PTGER3: variants seen among roughly 807,000 people sequenced by gnomAD.
PTGER3 encodes prostaglandin E2 receptor EP3 subtype.
In PTGER3, 22 loss-of-function variants were observed where a neutral mutation model predicts 34.7. The ratio of observed to expected loss-of-function variants is 0.63; its 90% CI spans 0.45 to 0.91. The LOEUF (loss-of-function observed/expected upper bound fraction) is 0.91, where lower values mean the gene tolerates loss of function less well. Ranked by LOEUF, PTGER3 falls within the 40% of genes least tolerant of loss-of-function variation. The probability of loss-of-function intolerance (pLI) is 0.00; values close to 1 mark genes in which losing one functional copy is unlikely to be tolerated. For missense variants in PTGER3, 468 were observed against 519.4 expected (o/e 0.90, Z 0.96); for synonymous variants, 241 against 230.1 (o/e 1.05, Z -0.43).
At chr1:70,882,053 C>T (rs1334460537) in intron 4 of PTGER3, among the ~76,000 whole-genome samples, 1 of 152,148 alleles carries the variant, frequency 6.6e-6, no homozygotes, top group Non-Finnish European at 1.5e-5. Context: ...CTCTGGCAAG[C>T]ATTACCCACT....
intron 2 of PTGER3, among the ~76,000 whole-genome samples, chr1:70,955,626 G>A (rs1435377787): frequency 6.6e-6 from 1 of 152,128 alleles, no homozygotes; most frequent in Non-Finnish European, 1.5e-5. Context: ...TGTTAGTAGA[G>A]ATTGGAAGTA....
Position 71,008,785 on chromosome 1 carries a change from AT to A in PTGER3, c.1077+3519del, listed in dbSNP as rs751816817. 2.1e-4 allele frequency: 202 copies of A among 956,596 alleles called. 1 individual carries two copies. The South Asian group carries it at 6.0e-3, about 29-fold the overall frequency. 59.3% of individuals were successfully genotyped at this position (956,596 alleles called of 1,614,324 possible). On this transcript the variant is annotated intron_variant, in intron 2 of 3. Coordinates refer to ENST00000306666, the MANE Select transcript of PTGER3 (RefSeq NM_198719.2). ...AAACAAGCAGCTGTGAAAATTTGTCATTGTTGATGGTTTGTACTTGTTATAC... is the reference window on the plus strand; with the variant it reads ...AAACAAGCAGCTGTGAAAATTTGTCATGTTGATGGTTTGTACTTGTTATAC...
intron 4 of PTGER3, among the ~76,000 whole-genome samples, chr1:70,866,620 G>A (rs1646048005): frequency 6.6e-6 from 1 of 152,178 alleles, no homozygotes; most frequent in Non-Finnish European, 1.5e-5. Context: ...TGTGGCTCCA[G>A]CAGTTATCAC....
At chr1:70,961,247 T>C (rs12138342) in intron 2 of PTGER3, among the ~76,000 whole-genome samples, 20 of 152,248 alleles carry the variant, frequency 1.3e-4, no homozygotes, top group Non-Finnish European at 2.5e-4. Context: ...CCTGCCTGAT[T>C]AATATGATTA....
At chr1:70,940,330 A>C (rs1649636793) in intron 4 of PTGER3, among the ~76,000 whole-genome samples, 5 of 151,908 alleles carry the variant, frequency 3.3e-5, no homozygotes, top group Admixed American at 3.3e-4. Context: ...ACTTTCCCAC[A>C]TTTTTCTGAC....
At chr1:70,876,738 CAACTTTGTCA>C (rs1646280946) in intron 4 of PTGER3, among the ~76,000 whole-genome samples, 2 of 152,056 alleles carry the variant, frequency 1.3e-5, no homozygotes, top group African/African-American at 4.8e-5. Context: ...TTGTTTTTGT[CAACTTTGTCA>C]AAAACAAGAT....
chr1:70,862,486 G>C (rs1645948875), intron 4 of PTGER3: 1 of 790,234 alleles, frequency 1.3e-6, no homozygotes, highest in South Asian at 1.3e-5. Flanking sequence ...TTTGGATATG[G>C]TGTAATGGTG....
chr1:70,953,873 C>A, intron 2 of PTGER3: 1 of 594,766 alleles, frequency 1.7e-6, no homozygotes, highest in South Asian at 2.6e-5. Context: ...AGATGATGTT[C>A]AATGAAAATA....
At chr1:70,893,688 G>C (rs1445089046) in intron 4 of PTGER3, among the ~76,000 whole-genome samples, 1 of 152,136 alleles carries the variant, frequency 6.6e-6, no homozygotes, top group Non-Finnish European at 1.5e-5. Flanking sequence ...CGAATTTATA[G>C]GATTTTATTA....
At chr1:71,038,343 T>C (rs998736482) in intron 1 of PTGER3, among the ~76,000 whole-genome samples, 2 of 152,218 alleles carry the variant, frequency 1.3e-5, no homozygotes, top group African/African-American at 4.8e-5. Flanking sequence ...TAAACAGGCT[T>C]CCAGTTCCAA....
intron 4 of PTGER3, among the ~76,000 whole-genome samples, chr1:70,945,774 A>T (rs1484452480): frequency 6.6e-6 from 1 of 152,102 alleles, no homozygotes. Flanking sequence ...ATGTAAATTG[A>T]AAGCATATTT....
At chr1:71,015,568 A>C (rs1657819503) in intron 1 of PTGER3, among the ~76,000 whole-genome samples, 1 of 152,162 alleles carries the variant, frequency 6.6e-6, no homozygotes, top group Admixed American at 6.5e-5. Context: ...GATTCTTTTA[A>C]TTCCCCATCT....
intron 2 of PTGER3, among the ~76,000 whole-genome samples, chr1:71,004,770 C>T (rs1478155068): frequency 6.6e-6 from 1 of 152,218 alleles, no homozygotes; most frequent in Non-Finnish European, 1.5e-5. Flanking sequence ...TGTGCCTAAT[C>T]ATCTGTGAAT....
chr1:70,862,107 T>A (rs1645940287), intron 4 of PTGER3, among the ~76,000 whole-genome samples: 1 of 152,088 alleles, frequency 6.6e-6, no homozygotes, highest in Non-Finnish European at 1.5e-5. Context: ...AGGGTGGGCC[T>A]GGTAAGAAGT....
intron 1 of PTGER3, among the ~76,000 whole-genome samples, chr1:71,012,996 C>T (rs191405169): frequency 1.3e-5 from 2 of 152,044 alleles, no homozygotes; most frequent in East Asian, 1.9e-4. Flanking sequence ...GACATGGTGC[C>T]GAGTTCTTCA....
chr1:71,045,122 G>A (rs1229975964), intron 1 of PTGER3, among the ~76,000 whole-genome samples: 1 of 152,096 alleles, frequency 6.6e-6, no homozygotes, highest in African/African-American at 2.4e-5. Context: ...ACCATACAGC[G>A]ACTTGTGGGC....
intron 4 of PTGER3, among the ~76,000 whole-genome samples, chr1:70,894,992 G>A (rs1349778452): frequency 6.6e-6 from 1 of 152,036 alleles, no homozygotes; most frequent in Non-Finnish European, 1.5e-5. Context: ...ACTGAGTGGT[G>A]GGCTGTTTGA....
chr1:71,029,959 TAACAA>T (rs1255687946), intron 1 of PTGER3, among the ~76,000 whole-genome samples: 1 of 131,426 alleles, frequency 7.6e-6, no homozygotes, highest in African/African-American at 2.8e-5. Context: ...ATAATAATAA[TAACAA>T]AATAAGTAAA....
At chr1:70,882,232 G>A (rs1001462805) in intron 4 of PTGER3, among the ~76,000 whole-genome samples, 3 of 152,212 alleles carry the variant, frequency 2.0e-5, no homozygotes, top group Admixed American at 6.5e-5. Context: ...TGGGTGTGTG[G>A]TGTCACCCAC....
Sources: gnomAD v4.1 joint callset for allele counts (sites outside exome capture counted in the v4.1 genomes callset) on GRCh38, gnomAD v4.1.1 for gene constraint, MANE v1.5 for transcripts, NCBI Gene and HGNC (gene_info 2026-07-23, HGNC 2026-07-21) for gene names.